Variants in ZNF735 observed in about 807,000 individuals in gnomAD.
The protein encoded by ZNF735 is putative zinc finger protein 735.
ZNF735 carries 11 observed loss-of-function variants against 13.4 expected under a neutral mutation model. That is an observed-to-expected ratio of 0.82 (90% CI 0.52 to 1.36). The LOEUF (loss-of-function observed/expected upper bound fraction) is 1.36. ZNF735 is among the 40% of genes most tolerant of loss of function. The probability of loss-of-function intolerance (pLI) is 0.00; values close to 1 mark genes in which losing one functional copy is unlikely to be tolerated. For missense variants in ZNF735, 500 were observed against 484.6 expected (o/e 1.03, Z -0.30); for synonymous variants, 171 against 162.6 (o/e 1.05, Z -0.39).
At chr7:64,216,091 C>G (rs1200807595) in intron 3 of ZNF735, among the ~76,000 whole-genome samples, 1 of 151,842 alleles carries the variant, frequency 6.6e-6, no homozygotes, top group South Asian at 2.1e-4. Flanking sequence ...GTCAGGAGAT[C>G]AAGACCATCC....
chr7:64,218,157 T>C (rs1787444379), intron 3 of ZNF735, among the ~76,000 whole-genome samples: 1 of 152,146 alleles, frequency 6.6e-6, no homozygotes, highest in Non-Finnish European at 1.5e-5. Context: ...GGAAGATCTT[T>C]ATTTTTTCTT....
At chr7:64,216,251 G>T (rs182280246) in intron 3 of ZNF735, among the ~76,000 whole-genome samples, 189 of 150,908 alleles carry the variant, frequency 1.3e-3, no homozygotes, top group South Asian at 1.9e-3. Flanking sequence ...AGCCAAGATC[G>T]CACCACTTCA....
intron 3 of ZNF735, among the ~76,000 whole-genome samples, chr7:64,219,012 GTTC>G (rs71060563): frequency 0.18 from 27,182 of 152,032 alleles, 2,991 homozygotes; most frequent in Non-Finnish European, 0.25. Flanking sequence ...AAGGCACCAT[GTTC>G]TTCTACTGGG....
At position 64,219,304 on chromosome 7, in the gene ZNF735, T is replaced by C; in HGVS notation, c.263-10T>C. 1 of 1,605,910 alleles carries C rather than the reference T, an allele frequency of 6.2e-7. No individual in the cohort carries two copies. Among genetic ancestry groups the C allele is most frequent in the East Asian group, 2.2e-5 (1 of 44,830 alleles). On this transcript the variant is annotated splice_polypyrimidine_tract_variant and intron_variant, in intron 3 of 3. Coordinates refer to ENST00000429565, the Ensembl canonical transcript of ZNF735. ...TAAGTGGAGTAACTTGTGATTTTTA[T>C]GTCTTTCAGTTACATGTTCTCATTT...
At chr7:64,217,634 AC>A (rs1194550338) in intron 3 of ZNF735, among the ~76,000 whole-genome samples, 27 of 152,146 alleles carry the variant, frequency 1.8e-4, no homozygotes, top group Non-Finnish European at 2.9e-4. Context: ...ATATAGATAG[AC>A]ATAATAGTTA....
intron 2 of ZNF735, 97 bp from the exon 3 acceptor site, chr7:64,213,916 G>A: frequency 8.6e-7 from 1 of 1,162,340 alleles, no homozygotes; most frequent in South Asian, 1.6e-5. Flanking sequence ...CTGAGATCAT[G>A]CCACTGCACT....
In ZNF735 at chr7:64,213,209, T is replaced by G. The variant is rs529434514; in HGVS notation, c.157T>G (p.Phe53Val). The G allele has an allele frequency of 1.7e-4, 272 of 1,604,066 alleles. No individual in the cohort carries two copies. In the East Asian group the frequency reaches 4.8e-3, roughly 28 times the overall value. Residue 53 changes from phenylalanine to valine, a missense_variant, in exon 2 of 4, where the codon TTC becomes GTC. Transcript: ENST00000429565. ...GATGTTAGAGAACTACAGAAACCTG[T>G]TCTCCCTGGGTGAGGTTAACCTCAA... is the stretch of plus-strand genomic sequence containing the variant.
intron 1 of ZNF735, among the ~76,000 whole-genome samples, chr7:64,211,827 T>C (rs1787363185): frequency 6.7e-6 from 1 of 149,962 alleles, no homozygotes. Flanking sequence ...GATTGCACCA[T>C]TACACTCTAG....
chr7:64,215,222 G>A (rs1470921111), intron 3 of ZNF735, among the ~76,000 whole-genome samples: 3 of 151,904 alleles, frequency 2.0e-5, no homozygotes, highest in African/African-American at 7.3e-5. Context: ...ACCATGCCCA[G>A]CTAATTTTGT....
chr7:64,214,103 A>T (rs748164306), exon 3 of ZNF735: 1 of 1,600,104 alleles, frequency 6.2e-7, no homozygotes. Context: ...GCAGCCAAAC[A>T]CCCAGGTAGG....
chr7:64,212,025 T>C (rs576202457), intron 1 of ZNF735, among the ~76,000 whole-genome samples: 2 of 152,222 alleles, frequency 1.3e-5, no homozygotes, highest in Non-Finnish European at 2.9e-5. Flanking sequence ...ATAAAGGTGA[T>C]AACAATTTTA....
In ZNF735 at chr7:64,218,942, G is replaced by T. The variant is rs533464821; in HGVS notation, c.263-372G>T. Reference sequence around the variant, plus strand: ...ACATCTATTTTCTGTCCATGATAGTGCAGTCTTTCTGTTGTTGTAACACTC... The same window carrying T: ...ACATCTATTTTCTGTCCATGATAGTTCAGTCTTTCTGTTGTTGTAACACTC... On this transcript the variant is annotated intron_variant, in intron 3 of 3. Transcript: ENST00000429565. Among the ~76,000 whole-genome samples, 8 of 152,212 alleles carry T rather than the reference G, an allele frequency of 5.3e-5. No individual in the cohort carries two copies. In the South Asian group the frequency reaches 6.2e-4, roughly 12 times the overall value.
At chr7:64,207,960 C>A (rs1218223826) in intron 1 of ZNF735, among the ~76,000 whole-genome samples, 1 of 151,370 alleles carries the variant, frequency 6.6e-6, no homozygotes, top group Non-Finnish European at 1.5e-5. Flanking sequence ...GTACTCCAGC[C>A]TGGGCGACAA....
At chr7:64,219,570 T>C in exon 4 of ZNF735, 2 of 1,582,606 alleles carry the variant, frequency 1.3e-6, no homozygotes, top group Non-Finnish European at 8.6e-7. Context: ...CAAATTCCAA[T>C]AGACACAATG....
At chr7:64,218,225 C>T (rs1413923349) in intron 3 of ZNF735, among the ~76,000 whole-genome samples, 8 of 149,982 alleles carry the variant, frequency 5.3e-5, no homozygotes, top group Non-Finnish European at 1.0e-4. Context: ...TTTTTCAGCA[C>T]TTTGACCATT....
chr7:64,219,896 C>G lies in ZNF735; in HGVS notation c.845C>G (p.Ser282Ter). Residue 282 changes from serine (S) to a stop codon, truncating the protein, a stop_gained, in exon 4 of 4, where the codon TCA becomes TGA. Coordinates refer to ENST00000429565, the Ensembl canonical transcript of ZNF735. LOFTEE classifies it low-confidence loss of function (END_TRUNC). ...TGTGGCCAAGCCTTTAGGCGCTCCT[C>G]AACACTTACTAACCACAAGAGAATT... 6.2e-7 allele frequency: 1 copy of G among 1,613,512 alleles called. No individual in the cohort carries two copies. Among genetic ancestry groups the G allele is most frequent in the Non-Finnish European group, 8.5e-7 (1 of 1,179,812 alleles).
intron 3 of ZNF735, 52 bp downstream of exon 3, chr7:64,214,160 A>G: frequency 1.9e-6 from 3 of 1,573,710 alleles, no homozygotes; most frequent in Non-Finnish European, 2.6e-6. Flanking sequence ...CCACAAGTCA[A>G]GGAGGTAGCC....
intron 1 of ZNF735, among the ~76,000 whole-genome samples, chr7:64,210,584 T>C (rs1787345122): frequency 6.6e-6 from 1 of 152,178 alleles, no homozygotes; most frequent in South Asian, 2.1e-4. Context: ...AGTTCAACCT[T>C]TGCATCAAAG....
At position 64,219,027 on chromosome 7, in the gene ZNF735, A is replaced by T. The variant is rs1172832433; in HGVS notation, c.263-287A>T. Among the ~76,000 whole-genome samples the T allele has an allele frequency of 3.9e-5, 6 of 152,186 alleles. No homozygotes were observed. The East Asian group carries it at 7.7e-4, about 20-fold the overall frequency. ...AAGGCACCATGTTCTTCTACTGGGG[A>T]TGAGGAAGGGCTGTGTTGGGTAAAT... On this transcript the variant is annotated intron_variant, in intron 3 of 3. Transcript: ENST00000429565.
Sources: gnomAD v4.1 joint callset for allele counts (sites outside exome capture counted in the v4.1 genomes callset) on GRCh38, gnomAD v4.1.1 for gene constraint, MANE v1.5 for transcripts, NCBI Gene and HGNC (gene_info 2026-07-23, HGNC 2026-07-21) for gene names.